HMOX1: variants seen among roughly 807,000 people sequenced by gnomAD.
HMOX1 encodes the protein heme oxygenase 1.
HMOX1 carries 22 observed loss-of-function variants against 27.8 expected under a neutral mutation model. The ratio of observed to expected loss-of-function variants is 0.79; its 90% CI spans 0.57 to 1.13. The LOEUF (loss-of-function observed/expected upper bound fraction) is 1.13, where lower values mean the gene tolerates loss of function less well. Among genes scored for constraint, HMOX1 ranks in the 50% most tolerant of loss-of-function variants. The pLI, the probability that HMOX1 is intolerant of heterozygous loss-of-function variation, is 0.00. For missense variants in HMOX1, 379 were observed against 377.7 expected (o/e 1.00, Z -0.03); for synonymous variants, 153 against 151.6 (o/e 1.01, Z -0.07).
intron 2 of HMOX1, among the ~76,000 whole-genome samples, chr22:35,384,699 G>A (rs1049613234): frequency 1.3e-5 from 2 of 150,634 alleles, no homozygotes; most frequent in African/African-American, 4.9e-5. Flanking sequence ...TCATGTGAGC[G>A]CTAAGTGCCA....
chr22:35,389,225 C>CTTTCTTTCTT (rs1931593493), intron 3 of HMOX1, among the ~76,000 whole-genome samples: 1 of 127,448 alleles, frequency 7.8e-6, no homozygotes, highest in Non-Finnish European at 1.6e-5. Flanking sequence ...CTCTTTCTTT[C>CTTTCTTTCTT]TTTCTTTCTT....
intron 1 of HMOX1, chr22:35,381,418 T>G: frequency 1.6e-6 from 1 of 609,808 alleles, no homozygotes; most frequent in Non-Finnish European, 2.9e-6. Flanking sequence ...ATGCGGTTGG[T>G]GACCAAGATG....
At chr22:35,388,776 G>A (rs1473567732) in intron 3 of HMOX1, among the ~76,000 whole-genome samples, 2 of 149,782 alleles carry the variant, frequency 1.3e-5, no homozygotes, top group South Asian at 2.2e-4. Context: ...CAGCCTGGGA[G>A]ACAGAGTGAG....
intron 1 of HMOX1, among the ~76,000 whole-genome samples, chr22:35,381,968 A>G (rs150763008): frequency 9.1e-4 from 138 of 152,288 alleles, no homozygotes; most frequent in African/African-American, 3.1e-3. Context: ...AAATACTCCC[A>G]GAAAGACTTT....
intron 1 of HMOX1, 78 bp from the exon 2 acceptor site, chr22:35,383,028 A>G: frequency 1.3e-6 from 2 of 1,592,202 alleles, no homozygotes; most frequent in Non-Finnish European, 1.7e-6. Context: ...AGGCCTGCCC[A>G]CAGGTGGGAG....
At chr22:35,383,289 T>C (rs1931428521) in intron 2 of HMOX1, 63 bp downstream of exon 2, 1 of 1,590,808 alleles carries the variant, frequency 6.3e-7, no homozygotes, top group Admixed American at 1.7e-5. Flanking sequence ...GACCCAAGGC[T>C]CAGACCAGTG....
chr22:35,390,152 C>T, intron 4 of HMOX1, 189 bp downstream of exon 4: 1 of 631,856 alleles, frequency 1.6e-6, no homozygotes, highest in Non-Finnish European at 2.9e-6. Context: ...TCTTGAACAC[C>T]TGACTTCAAG....
chr22:35,387,222 TCCTCC>T (rs1238934569), intron 3 of HMOX1, 46 bp downstream of exon 3: 7 of 1,610,790 alleles, frequency 4.3e-6, no homozygotes, highest in Non-Finnish European at 5.9e-6. Flanking sequence ...CCCCCGTTGT[TCCTCC>T]AAGGGACCCT....
Position 35,389,885 on chromosome 22 carries a change from C to A in HMOX1, c.658C>A (p.Leu220Met). Reference sequence around the variant, plus strand: ...TTAGCTCTTTGAGGAGTTGCAGGAGCTGCTGACCCATGACACCAAGGACCA... The same window carrying A: ...TTAGCTCTTTGAGGAGTTGCAGGAGATGCTGACCCATGACACCAAGGACCA... ...NIQLFEELQE[L>M]LTHDTKDQSP... The change falls in exon 4 of 5, where the codon CTG becomes ATG. Residue 220 changes from leucine to methionine, a missense_variant. By Grantham distance (15) the Leu-to-Met change is conservative. Transcript: ENST00000216117. The A allele has an allele frequency of 6.2e-7, 1 of 1,610,448 alleles. No individual in the cohort carries two copies. The highest frequency in any genetic ancestry group is 8.5e-7 in the Non-Finnish European group (1 of 1,179,066).
In HMOX1 at chr22:35,392,429, A is replaced by C. The variant is rs539995483; in HGVS notation, c.737-1039A>C. 3.9e-4 allele frequency among the ~76,000 whole-genome samples: 59 copies of C among 152,298 alleles called. 1 individual carries two copies. In the South Asian group the frequency reaches 0.012, roughly 31 times the overall value. On this transcript the variant is annotated intron_variant, in intron 4 of 4. Transcript: ENST00000216117. ...AGGAGCAGGAGCCTTTAATATGAAC[A>C]ACACACATGTAAATGTCACAGTGTA... is the stretch of plus-strand genomic sequence containing the variant.
chr22:35,392,994 G>T (rs17885296), intron 4 of HMOX1, among the ~76,000 whole-genome samples: 5 of 152,184 alleles, frequency 3.3e-5, no homozygotes, highest in African/African-American at 1.2e-4. Flanking sequence ...GGGATTACAG[G>T]CGTGAGCCAC....
rs751072024 is a variant in HMOX1, at chr22:35,387,138, A to G, written c.598A>G (p.Ile200Val). 70 of 1,613,572 alleles carry G rather than the reference A, an allele frequency of 4.3e-5. No individual in the cohort carries two copies. The East Asian group carries it at 1.1e-3, about 25-fold the overall frequency. The change falls in exon 3 of 5, where the codon ATA (isoleucine) becomes GTA (valine). Residue 200 changes from isoleucine (I) to valine (V), a missense_variant. Ile to Val is a conservative substitution (Grantham distance 29). Transcript: ENST00000216117. ...GACTCCCGCAGTCAGGCAGAGGGTGATAGAAGAGGCCAAGACTGCGTTCCT... is the reference window on the plus strand; with the variant it reads ...GACTCCCGCAGTCAGGCAGAGGGTGGTAGAAGAGGCCAAGACTGCGTTCCT... The part of the protein sequence containing the change: ...EMTPAVRQRV[I>V]EEAKTAFLLN...
At chr22:35,389,984 G>C in intron 4 of HMOX1, 21 bp downstream of exon 4, 7 of 1,521,666 alleles carry the variant, frequency 4.6e-6, no homozygotes, top group Non-Finnish European at 6.4e-6. Context: ...CCAGGAAGGG[G>C]CACTTCCTCT....
intron 3 of HMOX1, 131 bp downstream of exon 3, chr22:35,387,307 A>C (rs958902199): frequency 9.5e-5 from 101 of 1,057,996 alleles, no homozygotes; most frequent in Admixed American, 1.9e-5. Context: ...ACTGCCACTT[A>C]CTAGCTGGGT....
rs1931770258 is a variant in HMOX1 at position 35,393,332 on chromosome 22, G to A, written c.737-136G>A. 2.9e-6 allele frequency: 3 copies of A among 1,024,564 alleles called. No homozygotes were observed. The East Asian group carries it at 7.2e-5, about 24-fold the overall frequency. 63.5% of individuals were successfully genotyped at this position (1,024,564 alleles called of 1,614,324 possible). On this transcript the variant is annotated intron_variant, in intron 4 of 4. Transcript: ENST00000216117. ...GCAGTGGCTAGAGGGACACCTGTCT[G>A]TGGTCTTGCAGAATCCTGGCGTTGG... is the stretch of plus-strand genomic sequence containing the variant.
At chr22:35,381,661 G>A (rs920222288) in intron 1 of HMOX1, among the ~76,000 whole-genome samples, 1 of 152,122 alleles carries the variant, frequency 6.6e-6, no homozygotes, top group African/African-American at 2.4e-5. Context: ...CCAGTTCAGG[G>A]AGGCGACATG....
At chr22:35,382,512 C>T (rs9306301) in intron 1 of HMOX1, among the ~76,000 whole-genome samples, 64,588 of 146,772 alleles carry the variant, frequency 0.44, 15,208 homozygotes, top group African/African-American at 0.62. Flanking sequence ...CTACCATGCC[C>T]GGCTATTTTT....
At chr22:35,389,447 T>C (rs1394837295) in intron 3 of HMOX1, among the ~76,000 whole-genome samples, 1 of 123,180 alleles carries the variant, frequency 8.1e-6, no homozygotes, top group African/African-American at 4.2e-5. Context: ...TTTCTTTCTT[T>C]CTTTTCTTTC....
At chr22:35,384,938 C>T (rs746503506) in intron 2 of HMOX1, among the ~76,000 whole-genome samples, 2 of 151,786 alleles carry the variant, frequency 1.3e-5, no homozygotes, top group African/African-American at 4.8e-5. Flanking sequence ...AGGTCCGTCA[C>T]ACTCAAAAAC....
Sources: allele counts gnomAD v4.1 joint callset (sites outside exome capture counted in the v4.1 genomes callset), GRCh38; gene constraint gnomAD v4.1.1; transcripts MANE v1.5; gene names NCBI Gene and HGNC (gene_info 2026-07-23, HGNC 2026-07-21).